MTNR1B: variants seen among roughly 807,000 people sequenced by gnomAD.
MTNR1B encodes the protein melatonin receptor 1B, also known as melatonin receptor type 1B.
MTNR1B carries 7 observed loss-of-function variants against 7.0 expected under a neutral mutation model. The observed-to-expected ratio is 1.00, with a 90% CI of 0.57 to 1.88. MTNR1B has a LOEUF of 1.88. Ranked by LOEUF, MTNR1B falls within the 40% of genes most tolerant of loss-of-function variation. The pLI, the probability that MTNR1B is intolerant of heterozygous loss-of-function variation, is 0.00. For missense variants in MTNR1B, 478 were observed against 486.5 expected (o/e 0.98, Z 0.16); for synonymous variants, 226 against 208.2 (o/e 1.09, Z -0.74).
chr11:92,979,058 G>C (rs1179924926), intron 1 of MTNR1B, among the ~76,000 whole-genome samples: 1 of 152,152 alleles, frequency 6.6e-6, no homozygotes, highest in East Asian at 1.9e-4. Flanking sequence ...AGTGTGCAGG[G>C]GGAAGTGATG....
chr11:92,980,581 T>A (rs1205427097), intron 1 of MTNR1B, among the ~76,000 whole-genome samples: 1 of 152,178 alleles, frequency 6.6e-6, no homozygotes, highest in African/African-American at 2.4e-5. Context: ...GATGGGTGTA[T>A]CATTTCCTGA....
At chr11:92,981,400 TAA>T in intron 1 of MTNR1B, 45 bp from the exon 2 acceptor site, 8 of 1,570,318 alleles carry the variant, frequency 5.1e-6, no homozygotes, top group Non-Finnish European at 6.9e-6. Context: ...CTACAGAATC[TAA>T]GTCGTGGGGT....
intron 1 of MTNR1B, among the ~76,000 whole-genome samples, chr11:92,978,669 G>T (rs61901524): frequency 1.3e-5 from 2 of 152,166 alleles, no homozygotes; most frequent in Admixed American, 1.3e-4. Flanking sequence ...GGAGACAGTG[G>T]GATGTCTGGG....
chr11:92,973,876 G>A (rs144410012), intron 1 of MTNR1B, among the ~76,000 whole-genome samples: 94 of 152,306 alleles, frequency 6.2e-4, no homozygotes, highest in African/African-American at 2.2e-3. Flanking sequence ...AGGTAGTGGG[G>A]GAAAATTAAT....
At chr11:92,970,701 G>T (rs553973262) in intron 1 of MTNR1B, among the ~76,000 whole-genome samples, 1 of 152,142 alleles carries the variant, frequency 6.6e-6, no homozygotes, top group African/African-American at 2.4e-5. Context: ...AAACCAGAGT[G>T]GGGGGCAGTA....
chr11:92,975,141 A>G (rs1306878178), intron 1 of MTNR1B, among the ~76,000 whole-genome samples: 5 of 152,218 alleles, frequency 3.3e-5, no homozygotes, highest in Non-Finnish European at 7.3e-5. Flanking sequence ...TGCTGGCCAT[A>G]TAAGAGAGCT....
chr11:92,970,766 AG>A (rs1302585106), intron 1 of MTNR1B, among the ~76,000 whole-genome samples: 1 of 152,196 alleles, frequency 6.6e-6, no homozygotes, highest in African/African-American at 2.4e-5. Flanking sequence ...CAGCTTAGGA[AG>A]GAGCTCAGTC....
In MTNR1B at chr11:92,981,854, C is replaced by G. The variant is rs1858112221; in HGVS notation, c.631C>G (p.Leu211Val). The G allele has an allele frequency of 6.2e-7, 1 of 1,614,234 alleles. No homozygotes were observed. Among genetic ancestry groups the G allele is most frequent in the Non-Finnish European group, 8.5e-7 (1 of 1,180,036 alleles). ...GGCAGTGGTGGTCATCCACTTCCTC[C>G]TCCCTATCGCTGTCGTGTCCTTCTG... ...TAAVVVIHFLLPIAVVSFCYL... is the reference protein window; with the variant it reads ...TAAVVVIHFLVPIAVVSFCYL... The change falls in exon 2 of 2, where the codon CTC (leucine) becomes GTC (valine). Residue 211 changes from leucine (L) to valine (V), a missense_variant. Transcript: ENST00000257068.
At chr11:92,983,311 C>CAGG (rs777154142), downstream of MTNR1B, among the ~76,000 whole-genome samples, 3 of 152,080 alleles carry the variant, frequency 2.0e-5, no homozygotes, top group African/African-American at 4.8e-5. Flanking sequence ...AGCTTGAACC[C>CAGG]AGGAGTTCAA....
In MTNR1B at chr11:92,981,949, G is replaced by A. The variant is rs61747140; in HGVS notation, c.726G>A (p.Leu242=). Residue 242 remains leucine (L), a synonymous_variant, in exon 2 of 2, where the codon CTG becomes CTA. Transcript: ENST00000257068. ...RKAKPESRLC[L]KPSDLRSFLT... is the part of the protein sequence containing the mutation. ...CCAAGCCAGAGAGCAGGCTGTGCCTGAAGCCCAGCGACTTGCGGAGCTTTC... is the reference window on the plus strand; with the variant it reads ...CCAAGCCAGAGAGCAGGCTGTGCCTAAAGCCCAGCGACTTGCGGAGCTTTC... 9.3e-6 allele frequency: 15 copies of A among 1,614,110 alleles called. No individual in the cohort carries two copies. The African/African-American group carries it at 1.6e-4, about 17-fold the overall frequency.
intron 1 of MTNR1B, among the ~76,000 whole-genome samples, chr11:92,971,428 G>C (rs1200135603): frequency 6.6e-6 from 1 of 152,166 alleles, no homozygotes; most frequent in Non-Finnish European, 1.5e-5. Context: ...TGTGTCCTTT[G>C]AAGAAAAGCT....
At chr11:92,971,912 A>C (rs1201691435) in intron 1 of MTNR1B, among the ~76,000 whole-genome samples, 3 of 152,160 alleles carry the variant, frequency 2.0e-5, no homozygotes, top group Non-Finnish European at 2.9e-5. Flanking sequence ...TGTCCGCTAC[A>C]GCCCAGCACC....
downstream of MTNR1B, among the ~76,000 whole-genome samples, chr11:92,984,027 C>T (rs971554543): frequency 6.6e-6 from 1 of 152,154 alleles, no homozygotes; most frequent in African/African-American, 2.4e-5. Context: ...ACTTCTATCC[C>T]CCATCATCCC....
At chr11:92,976,293 T>G (rs1028327175) in intron 1 of MTNR1B, among the ~76,000 whole-genome samples, 1 of 152,160 alleles carries the variant, frequency 6.6e-6, no homozygotes, top group East Asian at 1.9e-4. Context: ...AAAGCCCCAG[T>G]TCTTAGGGAG....
Position 92,970,268 on chromosome 11 carries a change from G to T in MTNR1B, c.223+320G>T, listed in dbSNP as rs762789776. ...TCGCTACCCCGTCGCGCTCCAATGC[G>T]TGTCTTTCCAGAGGTGCCCACATCA... On this transcript the variant is annotated intron_variant, in intron 1 of 1. Transcript: ENST00000257068. Among the ~76,000 whole-genome samples the T allele has an allele frequency of 2.6e-5, 4 of 152,188 alleles. No individual in the cohort carries two copies. In the East Asian group the frequency reaches 7.7e-4, roughly 29 times the overall value.
chr11:92,974,156 G>A (rs1485995174), intron 1 of MTNR1B, among the ~76,000 whole-genome samples: 1 of 152,184 alleles, frequency 6.6e-6, no homozygotes, highest in Non-Finnish European at 1.5e-5. Context: ...CTTTGGCTGT[G>A]TCCCTACCCA....
chr11:92,973,178 A>G (rs545861593), intron 1 of MTNR1B, among the ~76,000 whole-genome samples: 4 of 152,152 alleles, frequency 2.6e-5, no homozygotes, highest in Admixed American at 2.0e-4. Context: ...CCTGAAAGTC[A>G]TCTTTGGTTC....
downstream of MTNR1B, among the ~76,000 whole-genome samples, chr11:92,984,076 A>G (rs934074873): frequency 2.0e-5 from 3 of 152,126 alleles, no homozygotes; most frequent in African/African-American, 7.2e-5. Context: ...GCAGTGGGCT[A>G]AGTACTGCAT....
intron 1 of MTNR1B, chr11:92,972,478 T>G: frequency 2.2e-6 from 1 of 456,106 alleles, no homozygotes; most frequent in South Asian, 1.5e-5. Flanking sequence ...CTATCTGTAG[T>G]GTCTGTTGCT....
Sources: allele counts gnomAD v4.1 joint callset (sites outside exome capture counted in the v4.1 genomes callset), GRCh38; gene constraint gnomAD v4.1.1; transcripts MANE v1.5; gene names NCBI Gene and HGNC (gene_info 2026-07-23, HGNC 2026-07-21).